C15orf39: variants seen among roughly 807,000 people sequenced by gnomAD.
C15orf39 encodes the protein uncharacterized protein C15orf39.
A neutral mutation model predicts 53.9 loss-of-function variants in C15orf39; 24 were observed. The observed-to-expected ratio is 0.45, with a 90% CI of 0.32 to 0.63. The LOEUF (loss-of-function observed/expected upper bound fraction) is 0.63. C15orf39 is among the 20% of genes least tolerant of loss of function. C15orf39 has a pLI of 0.04. For synonymous variants in C15orf39, 569 were observed against 576.5 expected (o/e 0.99, Z 0.19); for missense variants, 1,271 against 1,347.9 (o/e 0.94, Z 0.89).
At chr15:75,210,352 C>CGGGCTT (rs1202314663) in intron 2 of C15orf39, among the ~76,000 whole-genome samples, 2 of 152,176 alleles carry the variant, frequency 1.3e-5, no homozygotes, top group African/African-American at 4.8e-5. Flanking sequence ...GGCTCGGCCT[C>CGGGCTT]GGGCTTGGGC....
intron 1 of C15orf39, among the ~76,000 whole-genome samples, chr15:75,203,218 G>C (rs986639726): frequency 1.3e-5 from 2 of 152,264 alleles, no homozygotes; most frequent in African/African-American, 4.8e-5. Context: ...AGTGGGAACA[G>C]AGAGCTGTTT....
chr15:75,199,125 T>C (rs1366286876), upstream of C15orf39: 2 of 152,180 alleles, frequency 1.3e-5, no homozygotes, highest in South Asian at 2.1e-4. Context: ...TAACGATGAG[T>C]GAGCTGACAG....
Position 75,208,001 on chromosome 15 carries a change from C to A in C15orf39, c.1953C>A (p.Phe651Leu). ...TCCACAGCTCTGTGGCCTTCATGTTCCGAAAGTTCAAGATCCTCCGTCCGG... is the reference window on the plus strand; with the variant it reads ...TCCACAGCTCTGTGGCCTTCATGTTACGAAAGTTCAAGATCCTCCGTCCGG... ...TNFHSSVAFM[F>L]RKFKILRPAP... Residue 651 changes from phenylalanine (F) to leucine (L), a missense_variant, in exon 2 of 3, where the codon TTC (phenylalanine) becomes TTA (leucine). Around this residue, in one of 2 missense-constraint regions of C15orf39, gnomAD observed 994 missense variants for 993.7 expected, o/e 1.00. Transcript: ENST00000394987. The A allele has an allele frequency of 1.2e-6, 2 of 1,614,054 alleles. No individual in the cohort carries two copies. Among genetic ancestry groups the A allele is most frequent in the Non-Finnish European group, 1.7e-6 (2 of 1,180,030 alleles).
rs149666825 is a variant in C15orf39, at chr15:75,207,313, C to T, written c.1265C>T (p.Ala422Val). The T allele has an allele frequency of 2.2e-4, 358 of 1,613,350 alleles. No individual in the cohort carries two copies. Among genetic ancestry groups the T allele is most frequent in the African/African-American group, 5.9e-4 (44 of 75,026 alleles). ...CAGAGGGCATGCCAGCCTTTGCCAGCGAGCCAGCCCTGCTCAGAGCCTGTG... is the reference window on the plus strand; with the variant it reads ...CAGAGGGCATGCCAGCCTTTGCCAGTGAGCCAGCCCTGCTCAGAGCCTGTG... ...AFQRACQPLPASQPCSEPVRP... is the reference protein window; with the variant it reads ...AFQRACQPLPVSQPCSEPVRP... The change falls in exon 2 of 3, where the codon GCG becomes GTG. Residue 422 changes from alanine (A) to valine (V), a missense_variant. Around this residue, in one of 2 missense-constraint regions of C15orf39, gnomAD observed 994 missense variants for 993.7 expected, o/e 1.00. Transcript: ENST00000394987.
chr15:75,204,965 C>T (rs189455771), intron 1 of C15orf39, among the ~76,000 whole-genome samples: 1 of 152,314 alleles, frequency 6.6e-6, no homozygotes, highest in East Asian at 1.9e-4. Flanking sequence ...ATCTGCTGGG[C>T]TGCCCTGACT....
At position 75,206,898 on chromosome 15, in the gene C15orf39, C is replaced by T; in HGVS notation, c.850C>T (p.Pro284Ser). Residue 284 changes from proline (P) to serine (S), a missense_variant, in exon 2 of 3, where the codon CCT becomes TCT. Around this residue, in one of 2 missense-constraint regions of C15orf39, gnomAD observed 994 missense variants for 993.7 expected, o/e 1.00. Transcript: ENST00000394987. ...HPPPHPPQALPCPPACRHPEK... is the reference protein window; with the variant it reads ...HPPPHPPQALSCPPACRHPEK... ...ACCACCCCACCCTCCACAGGCCCTG[C>T]CTTGCCCTCCAGCCTGTCGCCACCC... The T allele has an allele frequency of 1.0e-5, 15 of 1,502,830 alleles. No individual in the cohort carries two copies. Among genetic ancestry groups the T allele is most frequent in the South Asian group, 4.0e-5 (3 of 74,988 alleles). 93.1% of individuals were successfully genotyped at this position (1,502,830 alleles called of 1,614,324 possible).
chr15:75,199,339 G>C (rs1183732618), upstream of C15orf39, among the ~76,000 whole-genome samples: 7 of 152,228 alleles, frequency 4.6e-5, no homozygotes, highest in Non-Finnish European at 1.0e-4. Context: ...ATAGAGGGCA[G>C]ACAGGGCAGC....
Position 75,206,166 on chromosome 15 carries a change from C to T in C15orf39, c.118C>T (p.Pro40Ser). ...GCCCCACTCTGTTGGTAACCAGGAT[C>T]CCTGCACCTACAAGGGGTCCTACTT... ...SLPHSVGNQDPCTYKGSYFSC... is the reference protein window; with the variant it reads ...SLPHSVGNQDSCTYKGSYFSC... Residue 40 changes from proline (P) to serine (S), a missense_variant, in exon 2 of 3, where the codon CCC becomes TCC. By Grantham distance (74) the Pro-to-Ser change is moderately conservative (BLOSUM62 -1). This residue lies in a region of C15orf39 where 994 missense variants were observed against 993.7 expected (regional missense o/e 1.00). Coordinates refer to ENST00000394987, the MANE Select transcript of C15orf39 (RefSeq NM_015492.5). 6.2e-7 allele frequency: 1 copy of T among 1,614,060 alleles called. No individual in the cohort carries two copies.
At chr15:75,200,599 G>C (rs2070394798), upstream of C15orf39, among the ~76,000 whole-genome samples, 1 of 152,118 alleles carries the variant, frequency 6.6e-6, no homozygotes, top group East Asian at 1.9e-4. Context: ...TATGATGTTT[G>C]GTGTGACCCC....
chr15:75,206,663 G>A lies in C15orf39; in HGVS notation c.615G>A (p.Gly205=). 1 of 1,613,696 alleles carries A rather than the reference G, an allele frequency of 6.2e-7. No individual in the cohort carries two copies. The highest frequency in any genetic ancestry group is 8.5e-7 in the Non-Finnish European group (1 of 1,179,966). The change falls in exon 2 of 3, where the codon GGG becomes GGA. Residue 205 remains glycine, a synonymous_variant. Coordinates refer to ENST00000394987, the MANE Select transcript of C15orf39 (RefSeq NM_015492.5). ...PAEGSSKDSS[G]SFSPCQPFLE... is the part of the protein sequence containing the mutation. ...AGGGGTCCAGTAAAGACTCCTCAGG[G>A]AGCTTCTCCCCATGCCAGCCCTTCC...
rs2070457771 is a variant in C15orf39, at chr15:75,208,361, T to C, written c.2313T>C (p.His771=). 2 of 1,591,594 alleles carry C rather than the reference T, an allele frequency of 1.3e-6. No individual in the cohort carries two copies. Among genetic ancestry groups the C allele is most frequent in the Non-Finnish European group, 1.7e-6 (2 of 1,168,966 alleles). The change falls in exon 2 of 3, where the codon CAT becomes CAC. Residue 771 remains histidine, a synonymous_variant. Transcript: ENST00000394987. ...DSLEQHFTGL[H]ASLCDAISGS... is the part of the protein sequence containing the mutation. ...TGGAGCAGCATTTTACAGGACTACA[T>C]GCGTCCCTGTGTGATGCTATTTCTG...
intron 2 of C15orf39, 32 bp from the exon 3 acceptor site, chr15:75,210,717 G>T: frequency 6.3e-7 from 1 of 1,574,898 alleles, no homozygotes; most frequent in Non-Finnish European, 8.6e-7. Context: ...AGGGTATGGG[G>T]TCTGCAGGCT....
chr15:75,207,533 C>T lies in C15orf39; in HGVS notation c.1485C>T (p.Pro495=). The T allele has an allele frequency of 6.2e-7, 1 of 1,611,570 alleles. No homozygotes were observed. The highest frequency in any genetic ancestry group is 8.5e-7 in the Non-Finnish European group (1 of 1,179,196). Reference sequence around the variant, plus strand: ...CACAGAAGGAGGGCGCAAGGCCACCCAGCTCTCCACCAATGCCTGTCATTG... The same window carrying T: ...CACAGAAGGAGGGCGCAAGGCCACCTAGCTCTCCACCAATGCCTGTCATTG... ...SLPQKEGARP[P]SSPPMPVIDN... The change falls in exon 2 of 3, where the codon CCC becomes CCT. Residue 495 remains proline (P), a synonymous_variant. Coordinates refer to ENST00000394987, the MANE Select transcript of C15orf39 (RefSeq NM_015492.5).
rs368116670 is a variant in C15orf39 at position 75,207,957 on chromosome 15, G to A, written c.1909G>A (p.Ala637Thr). 1 of 1,613,870 alleles carries A rather than the reference G, an allele frequency of 6.2e-7. No homozygotes were observed. The highest frequency in any genetic ancestry group is 8.5e-7 in the Non-Finnish European group (1 of 1,180,024). ...GCCTGGGGTGCCAGTGACCACAGATGCCATGCCAAGGACCAACTTCCACAG... is the reference window on the plus strand; with the variant it reads ...GCCTGGGGTGCCAGTGACCACAGATACCATGCCAAGGACCAACTTCCACAG... ...GLPGVPVTTD[A>T]MPRTNFHSSV... Residue 637 changes from alanine (A) to threonine (T), a missense_variant, in exon 2 of 3, where the codon GCC (alanine) becomes ACC (threonine). By Grantham distance (58) the Ala-to-Thr change is moderately conservative. Transcript: ENST00000394987.
intron 1 of C15orf39, among the ~76,000 whole-genome samples, chr15:75,204,053 G>C (rs2070421902): frequency 6.6e-6 from 1 of 152,186 alleles, no homozygotes; most frequent in Non-Finnish European, 1.5e-5. Context: ...CTAGCCTTGT[G>C]TTTTCTAACC....
At position 75,208,232 on chromosome 15, in the gene C15orf39, T is replaced by C; in HGVS notation, c.2184T>C (p.Ala728=). The change falls in exon 2 of 3, where the codon GCT becomes GCC. Residue 728 remains alanine, a synonymous_variant. Transcript: ENST00000394987. The part of the protein sequence containing the change: ...SPAPAPAPSP[A]PARAQAPASA... ...CCCCTGCTCCAGCTCCATCCCCTGC[T>C]CCGGCTCGAGCTCAGGCTCCAGCTT... is the stretch of plus-strand genomic sequence containing the variant. 6.2e-7 allele frequency: 1 copy of C among 1,611,138 alleles called. No homozygotes were observed. Among genetic ancestry groups the C allele is most frequent in the Non-Finnish European group, 8.5e-7 (1 of 1,178,748 alleles).
rs2070405473 is a variant in C15orf39, at chr15:75,201,968, TCGGACTAGGACCCG to T, written c.-138_-125del. ...CTGCGACTTCCCGCGCAGGGCCCGGTCGGACTAGGACCCGCGGCCTGAGAGACGCTGGAGGATGC... is the reference window on the plus strand; with the variant it reads ...CTGCGACTTCCCGCGCAGGGCCCGGTCGGCCTGAGAGACGCTGGAGGATGC... On this transcript the variant is annotated 5_prime_UTR_variant, in exon 1 of 3. Coordinates refer to ENST00000394987, the MANE Select transcript of C15orf39 (RefSeq NM_015492.5). The surrounding 1 kb of genome is among the most constrained non-coding windows in gnomAD (Gnocchi z 4.7). The T allele has an allele frequency of 6.6e-6, 1 of 151,956 alleles. No homozygotes were observed. The highest frequency in any genetic ancestry group is 2.4e-5 in the African/African-American group (1 of 41,422). The allele number at this position is 151,956 out of a possible 1,614,324, so 9.4% of individuals were successfully genotyped here.
chr15:75,205,997 A>G lies in C15orf39; in HGVS notation c.-50-2A>G. Reference sequence around the variant, plus strand: ...GCCCCTGCCTTTCTCTCTCTATCCCAGGTCAGAAGTTGAGTAGCAGGGGCC... The same window carrying G: ...GCCCCTGCCTTTCTCTCTCTATCCCGGGTCAGAAGTTGAGTAGCAGGGGCC... On this transcript the variant is annotated splice_acceptor_variant, in intron 1 of 2. Transcript: ENST00000394987. LOFTEE classifies it low-confidence loss of function (5UTR_SPLICE). The G allele has an allele frequency of 6.8e-7, 1 of 1,476,580 alleles. No individual in the cohort carries two copies. Among genetic ancestry groups the G allele is most frequent in the Non-Finnish European group, 9.0e-7 (1 of 1,111,362 alleles). The allele number at this position is 1,476,580 out of a possible 1,614,324, so 91.5% of individuals were successfully genotyped here. A position where few individuals can be genotyped will look rare whatever the true frequency, so the allele number is the denominator to read the frequency against.
In C15orf39 at chr15:75,207,404, C is replaced by T. The variant is rs767179487; in HGVS notation, c.1356C>T (p.Pro452=). ...GCTGCAGGAAAGAGAAGCTCCAGCC[C>T]CGGCTCAGTGAGCACTCTGGGCCGC... ...LPSCRKEKLQ[P]RLSEHSGPPI... Residue 452 remains proline, a synonymous_variant, in exon 2 of 3, where the codon CCC becomes CCT. Coordinates refer to ENST00000394987, the MANE Select transcript of C15orf39 (RefSeq NM_015492.5). 6.2e-7 allele frequency: 1 copy of T among 1,613,412 alleles called. No individual in the cohort carries two copies. Among genetic ancestry groups the T allele is most frequent in the South Asian group, 1.1e-5 (1 of 91,078 alleles).
Sources: gnomAD v4.1 joint callset for allele counts (sites outside exome capture counted in the v4.1 genomes callset) on GRCh38, gnomAD v4.1.1 for gene constraint, gnomAD v4.1.1 regional missense constraint, Gnocchi (gnomAD v3.1) non-coding constraint, MANE v1.5 for transcripts, NCBI Gene and HGNC (gene_info 2026-07-23, HGNC 2026-07-21) for gene names.